Variants in XXYLT1 observed in about 807,000 individuals in gnomAD.
The protein encoded by XXYLT1 is UDP-xylose:alpha-xyloside alpha-1,3-xylosyltransferase.
Under a neutral mutation model 28.9 loss-of-function variants are expected in XXYLT1, and 20 were observed. That is an observed-to-expected ratio of 0.69 (90% CI 0.49 to 1.00). The LOEUF (loss-of-function observed/expected upper bound fraction) is 1.00, where lower values mean the gene tolerates loss of function less well. Among genes scored for constraint, XXYLT1 ranks in the 50% least tolerant of loss-of-function variants. The probability of loss-of-function intolerance (pLI) is 0.00; values close to 1 mark genes in which losing one functional copy is unlikely to be tolerated. For missense variants in XXYLT1, 542 were observed against 560.1 expected (o/e 0.97, Z 0.33); for synonymous variants, 257 against 253.8 (o/e 1.01, Z -0.12).
At position 195,153,100 on chromosome 3, in the gene XXYLT1, G is replaced by T. The variant is rs145473669; in HGVS notation, c.785+3349C>A. 3.6e-3 allele frequency among the ~76,000 whole-genome samples: 542 copies of T among 152,292 alleles called. 2 individuals carry two copies. The highest frequency in any genetic ancestry group is 0.012 in the African/African-American group (516 of 41,560). On this transcript the variant is annotated intron_variant, in intron 3 of 3. Coordinates refer to ENST00000310380, the MANE Select transcript of XXYLT1 (RefSeq NM_152531.5). ...CCGAGACCGCCTGCTCAAGAGAAAGGCGGGCTGCGCTGTCCCTGCTTCCTC... is the reference window on the plus strand; with the variant it reads ...CCGAGACCGCCTGCTCAAGAGAAAGTCGGGCTGCGCTGTCCCTGCTTCCTC...
chr3:195,192,076 T>G (rs1009399029), intron 2 of XXYLT1, among the ~76,000 whole-genome samples: 1 of 152,184 alleles, frequency 6.6e-6, no homozygotes, highest in Admixed American at 6.5e-5. Flanking sequence ...ACACAGAACA[T>G]CCATTCCCTG....
intron 2 of XXYLT1, among the ~76,000 whole-genome samples, chr3:195,196,483 C>G (rs1254588162): frequency 1.3e-5 from 2 of 152,204 alleles, no homozygotes; most frequent in Non-Finnish European, 2.9e-5. Context: ...TAGGTATGCC[C>G]CCTCAGAGCT....
chr3:195,247,503 C>T (rs997579800), intron 1 of XXYLT1, among the ~76,000 whole-genome samples: 4 of 152,384 alleles, frequency 2.6e-5, no homozygotes, highest in Non-Finnish European at 4.4e-5. Flanking sequence ...ACCTCACCCT[C>T]GTGCACAGCT....
intron 3 of XXYLT1, among the ~76,000 whole-genome samples, chr3:195,108,345 T>G (rs1157675794): frequency 6.6e-6 from 1 of 152,252 alleles, no homozygotes; most frequent in East Asian, 1.9e-4. Flanking sequence ...CTCAAGAGCC[T>G]TTGACTCTTA....
chr3:195,118,657 C>T (rs1212860062), intron 3 of XXYLT1, among the ~76,000 whole-genome samples: 1 of 150,598 alleles, frequency 6.6e-6, no homozygotes, highest in African/African-American at 2.4e-5. Flanking sequence ...GCCCCAGGGG[C>T]ATACACAAGG....
At chr3:195,204,140 C>T (rs989773462) in intron 2 of XXYLT1, among the ~76,000 whole-genome samples, 6 of 151,688 alleles carry the variant, frequency 4.0e-5, no homozygotes, top group East Asian at 1.9e-4. Flanking sequence ...GTCAGGAGTG[C>T]GAGACCAGCC....
intron 2 of XXYLT1, among the ~76,000 whole-genome samples, chr3:195,162,265 C>T (rs1209326236): frequency 6.6e-6 from 1 of 152,176 alleles, no homozygotes; most frequent in Non-Finnish European, 1.5e-5. Flanking sequence ...GGCTCCTGGG[C>T]AGCCAGGATA....
chr3:195,085,461 T>TA (rs1272854842), intron 3 of XXYLT1, among the ~76,000 whole-genome samples: 25 of 152,190 alleles, frequency 1.6e-4, no homozygotes, highest in Non-Finnish European at 2.9e-4. Flanking sequence ...TCCATCCCCA[T>TA]GTCTAAGCAT....
intron 2 of XXYLT1, among the ~76,000 whole-genome samples, chr3:195,216,038 A>G (rs1723557396): frequency 6.6e-6 from 1 of 151,662 alleles, no homozygotes; most frequent in Non-Finnish European, 1.5e-5. Context: ...CCGCTCAACT[A>G]CATGGAAACT....
intron 2 of XXYLT1, chr3:195,175,683 C>A: frequency 1.3e-6 from 2 of 1,536,192 alleles, no homozygotes; most frequent in Non-Finnish European, 1.7e-6. Flanking sequence ...TGACTAGCTC[C>A]TGGCTGATGG....
rs574602070 is a variant in XXYLT1, at chr3:195,139,285, G to A, written c.785+17164C>T. Among the ~76,000 whole-genome samples, 6 of 152,326 alleles carry A rather than the reference G, an allele frequency of 3.9e-5. No homozygotes were observed. In the South Asian group the frequency reaches 8.3e-4, roughly 21 times the overall value. ...AGCTGCTAGTGACCCAGGAGACTAC[G>A]TCTGATGTGAAATGAAATTGAAAGT... On this transcript the variant is annotated intron_variant, in intron 3 of 3. Coordinates refer to ENST00000310380, the MANE Select transcript of XXYLT1 (RefSeq NM_152531.5).
At chr3:195,154,497 T>G (rs1720453387) in intron 3 of XXYLT1, among the ~76,000 whole-genome samples, 1 of 151,546 alleles carries the variant, frequency 6.6e-6, no homozygotes, top group Admixed American at 6.6e-5. Context: ...GGAGGGGAAA[T>G]GCTCTTTAAT....
Position 195,240,823 on chromosome 3 carries a change from G to A in XXYLT1, c.505-13967C>T, listed in dbSNP as rs139724036. ...CTCCTGAAGGAACCATAAACTGGGG[G>A]ACTGAGGCAGGAGGATCGCTTGAAC... is the stretch of plus-strand genomic sequence containing the variant. On this transcript the variant is annotated intron_variant, in intron 1 of 3. Coordinates refer to ENST00000310380, the MANE Select transcript of XXYLT1 (RefSeq NM_152531.5). This position sits in a 1 kb window ranked among gnomAD's most constrained non-coding sequence, Gnocchi z 4.7. Among the ~76,000 whole-genome samples, 2 of 152,228 alleles carry A rather than the reference G, an allele frequency of 1.3e-5. No individual in the cohort carries two copies. Among genetic ancestry groups the A allele is most frequent in the African/African-American group, 4.8e-5 (2 of 41,466 alleles).
At chr3:195,237,306 G>A (rs973002049) in intron 1 of XXYLT1, among the ~76,000 whole-genome samples, 3 of 152,086 alleles carry the variant, frequency 2.0e-5, no homozygotes, top group African/African-American at 7.2e-5. Flanking sequence ...TGCTCCCTCC[G>A]TGGGCATCGG....
At position 195,151,154 on chromosome 3, in the gene XXYLT1, A is replaced by G. The variant is rs187222764; in HGVS notation, c.785+5295T>C. On this transcript the variant is annotated intron_variant, in intron 3 of 3. Coordinates refer to ENST00000310380, the MANE Select transcript of XXYLT1 (RefSeq NM_152531.5). The stretch of plus-strand genomic sequence containing the variant: ...TGTTCACTCCAGGATCTTGTAGGAG[A>G]GCCAGATCACCTGCTGCTGCTAAAA... 3.7e-3 allele frequency among the ~76,000 whole-genome samples: 567 copies of G among 151,944 alleles called. 14 individuals carry two copies. Among genetic ancestry groups the G allele is most frequent in the South Asian group, 0.036 (171 of 4,798 alleles).
chr3:195,193,112 C>A (rs1722489818), intron 2 of XXYLT1, among the ~76,000 whole-genome samples: 1 of 151,856 alleles, frequency 6.6e-6, no homozygotes, highest in Non-Finnish European at 1.5e-5. Flanking sequence ...GTGGTGAAAC[C>A]CTGTCTCTAC....
chr3:195,270,323 G>C (rs1312386546), intron 1 of XXYLT1: 18 of 1,008,454 alleles, frequency 1.8e-5, no homozygotes, highest in Non-Finnish European at 2.3e-5. Context: ...AGAGGAAAAC[G>C]AGGCGGTCAT....
rs137973755 is a variant in XXYLT1, at chr3:195,162,599, C to A, written c.653-6018G>T. On this transcript the variant is annotated intron_variant, in intron 2 of 3. Coordinates refer to ENST00000310380, the MANE Select transcript of XXYLT1 (RefSeq NM_152531.5). ...CTCAGCCATGGCATTGTTTATAGCGCCCAGCTCCTGTTTTGTGGACCAAAC... is the reference window on the plus strand; with the variant it reads ...CTCAGCCATGGCATTGTTTATAGCGACCAGCTCCTGTTTTGTGGACCAAAC... Among the ~76,000 whole-genome samples the A allele has an allele frequency of 1.7e-3, 255 of 152,288 alleles. 1 individual carries two copies. Among genetic ancestry groups the A allele is most frequent in the Non-Finnish European group, 3.2e-3 (216 of 68,022 alleles).
chr3:195,080,852 C>T (rs998523871), intron 3 of XXYLT1, among the ~76,000 whole-genome samples: 2 of 152,214 alleles, frequency 1.3e-5, no homozygotes, highest in Non-Finnish European at 2.9e-5. Context: ...GCAGAGACTC[C>T]GTGGACGTGG....
Sources: gnomAD v4.1 joint callset for allele counts (sites outside exome capture counted in the v4.1 genomes callset) on GRCh38, gnomAD v4.1.1 for gene constraint, Gnocchi (gnomAD v3.1) non-coding constraint, MANE v1.5 for transcripts, NCBI Gene and HGNC (gene_info 2026-07-23, HGNC 2026-07-21) for gene names.